The following FBXO22 variants were observed in gnomAD, a reference collection of about 807,000 sequenced individuals.
FBXO22 encodes the protein F-box only protein 22.
In FBXO22, 13 loss-of-function variants were observed where a neutral mutation model predicts 37.2. That is an observed-to-expected ratio of 0.35 (90% CI 0.23 to 0.56). The LOEUF (loss-of-function observed/expected upper bound fraction) is 0.56, where lower values mean the gene tolerates loss of function less well. FBXO22 is among the 20% of genes least tolerant of loss of function. The pLI is 0.87. For synonymous variants in FBXO22, 189 were observed against 189.1 expected (o/e 1.00, Z 0.00); for missense variants, 446 against 509.9 (o/e 0.87, Z 1.21).
chr15:75,933,273 G>GACA lies in FBXO22; in HGVS notation c.*174_*176dup. The GACA allele has an allele frequency of 1.7e-6, 1 of 593,106 alleles. No individual in the cohort carries two copies. The highest frequency in any genetic ancestry group is 2.2e-5 in the South Asian group (1 of 46,204). The allele number at this position is 593,106 out of a possible 1,614,324, so 36.7% of individuals were successfully genotyped here. On this transcript the variant is annotated 3_prime_UTR_variant, in exon 7 of 7. Coordinates refer to ENST00000308275, the MANE Select transcript of FBXO22 (RefSeq NM_147188.3). ...GTAGTATTTAATATATTAGATGAAG[G>GACA]ACAACTTTGGACATAACACTGACTA...
rs998931184 is a variant in FBXO22 at position 75,940,368 on chromosome 15, C to T, written c.*7266C>T. On this transcript the variant is annotated 3_prime_UTR_variant, in exon 7 of 7. Coordinates refer to ENST00000308275, the MANE Select transcript of FBXO22 (RefSeq NM_147188.3). ...AATAAACGGAAATACATCTCATGTT[C>T]ATGGATTGGAAAATCTAATGTTAAT... 1 of 151,428 alleles carries T rather than the reference C, an allele frequency of 6.6e-6. No individual in the cohort carries two copies. The highest frequency in any genetic ancestry group is 2.4e-5 in the African/African-American group (1 of 41,222). 9.4% of individuals were successfully genotyped at this position (151,428 alleles called of 1,614,324 possible). A position where few individuals can be genotyped will look rare whatever the true frequency, so the allele number is the denominator to read the frequency against.
Position 75,941,058 on chromosome 15 carries a change from C to G in FBXO22, c.*7956C>G, listed in dbSNP as rs1367245394. 6.6e-6 allele frequency: 1 copy of G among 152,032 alleles called. No individual in the cohort carries two copies. The highest frequency in any genetic ancestry group is 1.5e-5 in the Non-Finnish European group (1 of 67,946). The allele number at this position is 152,032 out of a possible 1,614,324, so 9.4% of individuals were successfully genotyped here. On this transcript the variant is annotated 3_prime_UTR_variant, in exon 7 of 7. Transcript: ENST00000308275. Reference sequence around the variant, plus strand: ...CACGTACCTAATAAGGATTAAACATCCAGAATACATACAAAACTCCCAAAA... The same window carrying G: ...CACGTACCTAATAAGGATTAAACATGCAGAATACATACAAAACTCCCAAAA...
intron 5 of FBXO22, among the ~76,000 whole-genome samples, chr15:75,925,675 T>TAAA (rs371276673): frequency 2.2e-5 from 3 of 137,462 alleles, no homozygotes; most frequent in Non-Finnish European, 3.1e-5. Context: ...AAGCTAGTGT[T>TAAA]AAAAAAAAAA....
At position 75,930,826 on chromosome 15, in the gene FBXO22, T is replaced by G. The variant is rs954234060; in HGVS notation, c.794+777T>G. The G allele has an allele frequency of 3.0e-6, 3 of 985,256 alleles. No individual in the cohort carries two copies. In the African/African-American group the frequency reaches 5.2e-5, roughly 17 times the overall value. 61.0% of individuals were successfully genotyped at this position (985,256 alleles called of 1,614,324 possible). A position where few individuals can be genotyped will look rare whatever the true frequency, so the allele number is the denominator to read the frequency against. On this transcript the variant is annotated intron_variant, in intron 6 of 6. Transcript: ENST00000308275. ...ATTTGTTTCCCACTCTGTTTAATAT[T>G]TGCATCCTAGAGTGGTGACATGGGG...
intron 1 of FBXO22, 106 bp from the exon 2 acceptor site, chr15:75,904,385 C>T: frequency 6.5e-7 from 1 of 1,538,174 alleles, no homozygotes; most frequent in Non-Finnish European, 8.9e-7. Flanking sequence ...GACTTTGGAT[C>T]CCGCAGGGAT....
At chr15:75,924,715 T>C (rs1900402679) in intron 5 of FBXO22, among the ~76,000 whole-genome samples, 2 of 152,152 alleles carry the variant, frequency 1.3e-5, no homozygotes, top group South Asian at 2.1e-4. Flanking sequence ...TACCTGTCTG[T>C]ACCACAGACA....
In FBXO22 at chr15:75,936,162, G is replaced by A. The variant is rs2030320650; in HGVS notation, c.*3060G>A. On this transcript the variant is annotated 3_prime_UTR_variant, in exon 7 of 7. Transcript: ENST00000308275. ...ATATGCTTTTGTCATTTTATACCCA[G>A]TCTGGCCCAGGTTTGCACTGCCATA... is the stretch of plus-strand genomic sequence containing the variant. The A allele has an allele frequency of 6.6e-6, 1 of 152,142 alleles. No individual in the cohort carries two copies. The highest frequency in any genetic ancestry group is 2.4e-5 in the African/African-American group (1 of 41,434). The allele number at this position is 152,142 out of a possible 1,614,324, so 9.4% of individuals were successfully genotyped here. A position where few individuals can be genotyped will look rare whatever the true frequency, so the allele number is the denominator to read the frequency against.
chr15:75,914,086 C>G (rs368407042), intron 3 of FBXO22, 24 bp from the exon 4 acceptor site: 196 of 1,521,592 alleles, frequency 1.3e-4, no homozygotes, highest in Non-Finnish European at 1.7e-4. Context: ...TGATATTTAT[C>G]ATTTTGCTAC....
In FBXO22 at chr15:75,939,130, T is replaced by A. The variant is rs1295475165; in HGVS notation, c.*6028T>A. 4 of 151,828 alleles carry A rather than the reference T, an allele frequency of 2.6e-5. No homozygotes were observed. The highest frequency in any genetic ancestry group is 3.8e-4 in the East Asian group (2 of 5,196). 9.4% of individuals were successfully genotyped at this position (151,828 alleles called of 1,614,324 possible). On this transcript the variant is annotated 3_prime_UTR_variant, in exon 7 of 7. Coordinates refer to ENST00000308275, the MANE Select transcript of FBXO22 (RefSeq NM_147188.3). ...CAGATATAATAAATTGAATAAAGATTAGAAACACTAGAGAAAAATCAGTGA... is the reference window on the plus strand; with the variant it reads ...CAGATATAATAAATTGAATAAAGATAAGAAACACTAGAGAAAAATCAGTGA...
rs1197417506 is a variant in FBXO22, at chr15:75,934,446, G to GT, written c.*1347dup. ...AATGTTACTTTTGTAACAGTCAGTGGTTTGTTCTAACAGGACAGTAGAACA... is the reference window on the plus strand; with the variant it reads ...AATGTTACTTTTGTAACAGTCAGTGGTTTTGTTCTAACAGGACAGTAGAACA... On this transcript the variant is annotated 3_prime_UTR_variant, in exon 7 of 7. Coordinates refer to ENST00000308275, the MANE Select transcript of FBXO22 (RefSeq NM_147188.3). 6.6e-6 allele frequency: 1 copy of GT among 152,206 alleles called. No homozygotes were observed. Among genetic ancestry groups the GT allele is most frequent in the African/African-American group, 2.4e-5 (1 of 41,452 alleles). 9.4% of individuals were successfully genotyped at this position (152,206 alleles called of 1,614,324 possible). A position where few individuals can be genotyped will look rare whatever the true frequency, so the allele number is the denominator to read the frequency against.
At chr15:75,913,504 C>T (rs889339535) in intron 3 of FBXO22, among the ~76,000 whole-genome samples, 8 of 152,206 alleles carry the variant, frequency 5.3e-5, no homozygotes, top group East Asian at 1.9e-4. Flanking sequence ...GAAACAAATT[C>T]GTTAGAAAGG....
intron 6 of FBXO22, among the ~76,000 whole-genome samples, chr15:75,931,384 TA>T (rs1447256711): frequency 1.3e-5 from 2 of 152,184 alleles, no homozygotes; most frequent in Non-Finnish European, 2.9e-5. Flanking sequence ...TCCATTTTAA[TA>T]AAGTCCAGAT....
At chr15:75,909,331 A>G (rs1899997144) in intron 2 of FBXO22, among the ~76,000 whole-genome samples, 1 of 152,232 alleles carries the variant, frequency 6.6e-6, no homozygotes, top group South Asian at 2.1e-4. Context: ...AACAGTCTTA[A>G]GTTCCACAAG....
chr15:75,932,066 T>G (rs894976311), intron 6 of FBXO22, among the ~76,000 whole-genome samples: 6 of 152,122 alleles, frequency 3.9e-5, no homozygotes, highest in African/African-American at 1.4e-4. Flanking sequence ...GTTTACAGAT[T>G]AGCCAGGTGT....
chr15:75,929,755 T>C (rs2029943854), intron 5 of FBXO22, 129 bp from the exon 6 acceptor site: 8 of 956,756 alleles, frequency 8.4e-6, no homozygotes, highest in Non-Finnish European at 1.1e-5. Context: ...AAATGGAAAA[T>C]TTGATAGCTT....
Position 75,932,904 on chromosome 15 carries a change from G to A in FBXO22, c.1014G>A (p.Gly338=). The A allele has an allele frequency of 6.2e-7, 1 of 1,614,254 alleles. No individual in the cohort carries two copies. Among genetic ancestry groups the A allele is most frequent in the South Asian group, 1.1e-5 (1 of 91,092 alleles). The part of the protein sequence containing the change: ...GRGFQYYRAK[G]NVEADAFRKF... ...GCTTTCAGTATTACAGAGCCAAGGGGAATGTTGAGGCTGATGCATTTAGAA... is the reference window on the plus strand; with the variant it reads ...GCTTTCAGTATTACAGAGCCAAGGGAAATGTTGAGGCTGATGCATTTAGAA... The change falls in exon 7 of 7, where the codon GGG becomes GGA. Residue 338 remains glycine, a synonymous_variant. Transcript: ENST00000308275.
intron 6 of FBXO22, chr15:75,930,699 C>CATAT: frequency 1.0e-6 from 1 of 985,360 alleles, no homozygotes; most frequent in Non-Finnish European, 1.2e-6. Context: ...AATGAAAATA[C>CATAT]ATATCATTTT....
intron 5 of FBXO22, among the ~76,000 whole-genome samples, chr15:75,920,903 C>A (rs1261196689): frequency 6.6e-6 from 1 of 152,080 alleles, no homozygotes; most frequent in Non-Finnish European, 1.5e-5. Context: ...CAGTGACATT[C>A]CAGAAAAGGT....
chr15:75,939,576 A>G lies in FBXO22; in HGVS notation c.*6474A>G, dbSNP rs1198903755. 2 of 152,156 alleles carry G rather than the reference A, an allele frequency of 1.3e-5. No homozygotes were observed. The highest frequency in any genetic ancestry group is 4.8e-5 in the African/African-American group (2 of 41,444). The allele number at this position is 152,156 out of a possible 1,614,324, so 9.4% of individuals were successfully genotyped here. On this transcript the variant is annotated 3_prime_UTR_variant, in exon 7 of 7. Coordinates refer to ENST00000308275, the MANE Select transcript of FBXO22 (RefSeq NM_147188.3). ...ATTCATTCTGATGCTGAAGCCAGAC[A>G]AAGATACTACAAGAAAAGATTACAG...
Sources: allele counts gnomAD v4.1 joint callset (sites outside exome capture counted in the v4.1 genomes callset), GRCh38; gene constraint gnomAD v4.1.1; transcripts MANE v1.5; gene names NCBI Gene and HGNC (gene_info 2026-07-23, HGNC 2026-07-21).